The following TOX4 variants were observed in gnomAD, a reference collection of about 807,000 sequenced individuals.
The protein encoded by TOX4 is epidermal Langerhans cell protein LCP1.
In TOX4, 12 loss-of-function variants were observed where a neutral mutation model predicts 61.0. The observed-to-expected ratio is 0.20, with a 90% CI of 0.13 to 0.32. TOX4 has a LOEUF of 0.32. Among genes scored for constraint, TOX4 ranks in the 10% least tolerant of loss-of-function variants. The probability of loss-of-function intolerance (pLI) is 1.00; values close to 1 mark genes in which losing one functional copy is unlikely to be tolerated. For synonymous variants in TOX4, 268 were observed against 274.8 expected, an observed-to-expected ratio of 0.98 and a Z score of 0.24; for missense variants, 499 against 753.3, an observed-to-expected ratio of 0.66 and a Z score of 3.95.
intron 4 of TOX4, 43 bp downstream of exon 4, chr14:21,488,893 G>T (rs1361371752): frequency 6.9e-6 from 11 of 1,602,628 alleles, no homozygotes; most frequent in Non-Finnish European, 9.4e-6. Flanking sequence ...GTGATAGTCT[G>T]GGATAAAATT....
intron 8 of TOX4, 89 bp downstream of exon 8, chr14:21,495,481 A>G: frequency 6.9e-7 from 1 of 1,452,284 alleles, no homozygotes; most frequent in South Asian, 1.3e-5. Flanking sequence ...TCAGCATCTC[A>G]GTGTCACCTT....
intron 3 of TOX4, 114 bp from the exon 4 acceptor site, chr14:21,488,476 A>G: frequency 2.0e-6 from 2 of 1,019,246 alleles, no homozygotes; most frequent in South Asian, 1.8e-5. Flanking sequence ...TATGTTTTGT[A>G]TTTTAAATGA....
At chr14:21,491,708 T>C (rs1891294099) in intron 5 of TOX4, among the ~76,000 whole-genome samples, 1 of 150,934 alleles carries the variant, frequency 6.6e-6, no homozygotes, top group South Asian at 2.1e-4. Context: ...GGTTGATGTT[T>C]GCCTTAAATG....
rs1891470678 is a variant in TOX4 at position 21,498,576 on chromosome 14, T to C, written c.*1970T>C. 1 of 592,782 alleles carries C rather than the reference T, an allele frequency of 1.7e-6. No individual in the cohort carries two copies. The highest frequency in any genetic ancestry group is 1.9e-5 in the African/African-American group (1 of 53,922). 36.7% of individuals were successfully genotyped at this position (592,782 alleles called of 1,614,324 possible). A position where few individuals can be genotyped will look rare whatever the true frequency, so the allele number is the denominator to read the frequency against. ...GGTGTTAAAATAGACTGGATCTGTA[T>C]TATCTGAGGGTTAGTAACTAATGCT... On this transcript the variant is annotated 3_prime_UTR_variant, in exon 9 of 9. Coordinates refer to ENST00000448790, the MANE Select transcript of TOX4 (RefSeq NM_014828.4).
In TOX4 at chr14:21,492,496, GTCT is replaced by G; in HGVS notation, c.892-7_892-5del. 6.2e-7 allele frequency: 1 copy of G among 1,612,144 alleles called. No individual in the cohort carries two copies. The highest frequency in any genetic ancestry group is 1.1e-5 in the South Asian group (1 of 90,924). ...TTGATTAATTGATAGATTGATTTATGTCTTCTTTTAGGCCACTGTGGAAACAGT... is the reference window on the plus strand; with the variant it reads ...TTGATTAATTGATAGATTGATTTATGTCTTTTAGGCCACTGTGGAAACAGT... On this transcript the variant is annotated splice_polypyrimidine_tract_variant and intron_variant, in intron 6 of 8. Transcript: ENST00000448790.
Position 21,498,302 on chromosome 14 carries a change from G to A in TOX4, c.*1696G>A. ...GAGATGATACCATCTGGGTACCTTT[G>A]CTTGAACCGTGCAACCACATCTGGG... On this transcript the variant is annotated 3_prime_UTR_variant, in exon 9 of 9. Transcript: ENST00000448790. 1 of 1,613,848 alleles carries A rather than the reference G, an allele frequency of 6.2e-7. No individual in the cohort carries two copies. Among genetic ancestry groups the A allele is most frequent in the South Asian group, 1.1e-5 (1 of 91,070 alleles).
Position 21,498,858 on chromosome 14 carries a change from TA to T in TOX4, c.*2253del. The T allele has an allele frequency of 3.4e-6, 2 of 595,984 alleles. No homozygotes were observed. Among genetic ancestry groups the T allele is most frequent in the Non-Finnish European group, 6.0e-6 (2 of 336,028 alleles). 36.9% of individuals were successfully genotyped at this position (595,984 alleles called of 1,614,324 possible). On this transcript the variant is annotated 3_prime_UTR_variant, in exon 9 of 9. Transcript: ENST00000448790. ...TAGAACCTGTTGAGTTTCTAATGAA[TA>T]TTTGTAGAATCTCATAAAACAGTTT...
intron 2 of TOX4, among the ~76,000 whole-genome samples, chr14:21,483,892 T>TG: frequency 6.6e-6 from 1 of 151,364 alleles, no homozygotes; most frequent in Admixed American, 6.6e-5. Context: ...ACTGCAGCCT[T>TG]CAACTCCTGG....
At chr14:21,479,810 C>T (rs903472004) in intron 2 of TOX4, among the ~76,000 whole-genome samples, 2 of 152,142 alleles carry the variant, frequency 1.3e-5, no homozygotes, top group African/African-American at 4.8e-5. Context: ...TCAATCAGGT[C>T]TCCACAGTTT....
In TOX4 at chr14:21,488,824, G is replaced by A. The variant is rs750559638; in HGVS notation, c.553G>A (p.Glu185Lys). Residue 185 changes from glutamate (E) to lysine (K), a missense_variant, in exon 4 of 9, where the codon GAG (glutamate) becomes AAG (lysine). Transcript: ENST00000448790. ...TTPSPTSSLH[E>K]DGVEDFRRQL... ...CCCTTCACCTACTAGTTCACTTCAC[G>A]AGGATGGTGTTGAGGATTTCCGGAG... 9 of 1,614,010 alleles carry A rather than the reference G, an allele frequency of 5.6e-6. No homozygotes were observed. The highest frequency in any genetic ancestry group is 2.2e-5 in the East Asian group (1 of 44,892).
rs1163056918 is a variant in TOX4, at chr14:21,485,865, C to CA, written c.76-1578dup. Among the ~76,000 whole-genome samples, 11 of 58,248 alleles carry CA rather than the reference C, an allele frequency of 1.9e-4. 3 individuals carry two copies. Among genetic ancestry groups the CA allele is most frequent in the African/African-American group, 3.7e-4 (5 of 13,356 alleles). The allele number at this position is 58,248 out of a possible 152,430, so 38.2% of individuals were successfully genotyped here. ...TGGGCCACGGAGCGAGACTCTGTCT[C>CA]AAAAAAAAGAAAAAAAAAAAAAGAC... On this transcript the variant is annotated intron_variant, in intron 2 of 8. Transcript: ENST00000448790.
At position 21,495,357 on chromosome 14, in the gene TOX4, A is replaced by G. The variant is rs758035954; in HGVS notation, c.1770A>G (p.Glu590=). 2 of 1,614,020 alleles carry G rather than the reference A, an allele frequency of 1.2e-6. No homozygotes were observed. Among genetic ancestry groups the G allele is most frequent in the African/African-American group, 2.7e-5 (2 of 74,918 alleles). ...TTGTGAGTAAGGACTGGGACAATGA[A>G]TACTGCAGCAATGAGTGTGTGGTGA... ...PPIVSKDWDN[E]YCSNECVVKH... is the part of the protein sequence containing the mutation. The change falls in exon 8 of 9, where the codon GAA becomes GAG. Residue 590 remains glutamate (E), a synonymous_variant. Coordinates refer to ENST00000448790, the MANE Select transcript of TOX4 (RefSeq NM_014828.4).
rs35603826 is a variant in TOX4, at chr14:21,491,090, G to A, written c.811-1206G>A. ...TCCGCCTGCCTTGTCCTCCCAACGT[G>A]CTGGGATTACAGGTGTGAGCCACCG... On this transcript the variant is annotated intron_variant, in intron 5 of 8. Coordinates refer to ENST00000448790, the MANE Select transcript of TOX4 (RefSeq NM_014828.4). Among the ~76,000 whole-genome samples, 1,212 of 152,322 alleles carry A rather than the reference G, an allele frequency of 8.0e-3. 8 individuals carry two copies. Among genetic ancestry groups the A allele is most frequent in the South Asian group, 0.054 (262 of 4,826 alleles).
chr14:21,498,588 TAGTAAC>T lies in TOX4; in HGVS notation c.*1983_*1988del. 1.7e-6 allele frequency: 1 copy of T among 572,834 alleles called. No individual in the cohort carries two copies. 35.5% of individuals were successfully genotyped at this position (572,834 alleles called of 1,614,324 possible). ...GACTGGATCTGTATTATCTGAGGGT[TAGTAAC>T]TAATGCTTAGCCAGGCCTGCTTCAC... On this transcript the variant is annotated 3_prime_UTR_variant, in exon 9 of 9. Coordinates refer to ENST00000448790, the MANE Select transcript of TOX4 (RefSeq NM_014828.4).
intron 2 of TOX4, among the ~76,000 whole-genome samples, chr14:21,478,331 T>C (rs1012684881): frequency 8.5e-5 from 13 of 152,350 alleles, no homozygotes; most frequent in East Asian, 7.7e-4. Flanking sequence ...AAATAGCTGC[T>C]AGAGAATATA....
rs747876082 is a variant in TOX4 at position 21,498,293 on chromosome 14, G to C, written c.*1687G>C. 6.2e-7 allele frequency: 1 copy of C among 1,612,940 alleles called. No homozygotes were observed. Among genetic ancestry groups the C allele is most frequent in the Middle Eastern group, 1.6e-4 (1 of 6,062 alleles). ...TTAGGTTTAGAGATGATACCATCTG[G>C]GTACCTTTGCTTGAACCGTGCAACC... On this transcript the variant is annotated 3_prime_UTR_variant, in exon 9 of 9. Coordinates refer to ENST00000448790, the MANE Select transcript of TOX4 (RefSeq NM_014828.4).
intron 2 of TOX4, among the ~76,000 whole-genome samples, chr14:21,481,459 G>C (rs772602499): frequency 1.3e-5 from 2 of 152,170 alleles, no homozygotes; most frequent in African/African-American, 2.4e-5. Flanking sequence ...GATTATAGCT[G>C]TGAGCCACCT....
intron 7 of TOX4, among the ~76,000 whole-genome samples, chr14:21,494,860 A>C (rs1341756966): frequency 6.6e-6 from 1 of 152,082 alleles, no homozygotes; most frequent in Non-Finnish European, 1.5e-5. Flanking sequence ...CAGAGGTTGC[A>C]GTGAGCTGAG....
chr14:21,490,076 C>T (rs552449345), intron 5 of TOX4, among the ~76,000 whole-genome samples: 9 of 151,398 alleles, frequency 5.9e-5, no homozygotes, highest in South Asian at 2.1e-4. Context: ...GAGGCTGAGG[C>T]GGGAGGATTG....
Sources: gnomAD v4.1 joint callset for allele counts (sites outside exome capture counted in the v4.1 genomes callset) on GRCh38, gnomAD v4.1.1 for gene constraint, MANE v1.5 for transcripts, NCBI Gene and HGNC (gene_info 2026-07-23, HGNC 2026-07-21) for gene names.